The following ZNF710 variants were observed in gnomAD, a reference collection of about 807,000 sequenced individuals.
ZNF710 encodes the protein zinc finger protein 710.
In ZNF710, 13 loss-of-function variants were observed where a neutral mutation model predicts 50.6. That is an observed-to-expected ratio of 0.26 (90% CI 0.17 to 0.41). The LOEUF is 0.41. Ranked by LOEUF, ZNF710 falls within the 10% of genes least tolerant of loss-of-function variation. The pLI is 1.00. For synonymous variants in ZNF710, 383 were observed against 397.0 expected (o/e 0.96, Z 0.42); for missense variants, 721 against 936.6 (o/e 0.77, Z 3.01).
Position 90,040,766 on chromosome 15 carries a change from C to G in ZNF710, c.-28-26344C>G, listed in dbSNP as rs1899272528. The stretch of plus-strand genomic sequence containing the variant: ...TTTGCAAACTGCTTACTTCCTCCTT[C>G]CTGTTATTTACGTCCATGTTCTGAA... On this transcript the variant is annotated intron_variant, in intron 1 of 4. Transcript: ENST00000268154. The surrounding 1 kb of genome is among the most constrained non-coding windows in gnomAD (Gnocchi z 4.6). Among the ~76,000 whole-genome samples, 1 of 152,230 alleles carries G rather than the reference C, an allele frequency of 6.6e-6. No individual in the cohort carries two copies. Among genetic ancestry groups the G allele is most frequent in the Non-Finnish European group, 1.5e-5 (1 of 68,044 alleles).
chr15:90,065,137 T>C (rs1900125358), intron 1 of ZNF710, among the ~76,000 whole-genome samples: 1 of 152,186 alleles, frequency 6.6e-6, no homozygotes, highest in Admixed American at 6.5e-5. Context: ...CTAAGCTTAA[T>C]AGTTTAATCT....
At chr15:90,033,181 T>A (rs1460012004) in intron 1 of ZNF710, among the ~76,000 whole-genome samples, 1 of 152,188 alleles carries the variant, frequency 6.6e-6, no homozygotes, top group East Asian at 1.9e-4. Flanking sequence ...AATGGGCGAT[T>A]GGTGGCTTCA....
chr15:90,067,632 C>T lies in ZNF710; in HGVS notation c.495C>T (p.Ser165=). 1 of 1,612,318 alleles carries T rather than the reference C, an allele frequency of 6.2e-7. No homozygotes were observed. ...AVKMIDLSAF[S]RKPRTLRHLP... is the part of the protein sequence containing the mutation. ...AGATGATCGACCTCAGCGCCTTCAG[C>T]CGCAAGCCCCGGACGCTCCGGCATC... The change falls in exon 2 of 5, where the codon AGC becomes AGT. Residue 165 remains serine (S), a synonymous_variant. Transcript: ENST00000268154. This position sits in a 1 kb window ranked among gnomAD's most constrained non-coding sequence, Gnocchi z 8.1.
rs1899352704 is a variant in ZNF710 at position 90,043,170 on chromosome 15, C to A, written c.-28-23940C>A. Among the ~76,000 whole-genome samples, 3 of 152,350 alleles carry A rather than the reference C, an allele frequency of 2.0e-5. No homozygotes were observed. The South Asian group carries it at 6.2e-4, about 32-fold the overall frequency. On this transcript the variant is annotated intron_variant, in intron 1 of 4. Transcript: ENST00000268154. ...AGCCGGAGAACTGGGTGGACACGGCCCAGGCAGGGTGAGTTGCCACGGCTT... is the reference window on the plus strand; with the variant it reads ...AGCCGGAGAACTGGGTGGACACGGCACAGGCAGGGTGAGTTGCCACGGCTT...
rs114984568 is a variant in ZNF710, at chr15:90,041,139, T to C, written c.-28-25971T>C. Among the ~76,000 whole-genome samples the C allele has an allele frequency of 6.4e-3, 953 of 149,418 alleles. 11 individuals are homozygous for C. The highest frequency in any genetic ancestry group is 0.022 in the African/African-American group (911 of 40,736). On this transcript the variant is annotated intron_variant, in intron 1 of 4. Transcript: ENST00000268154. ...TCTATTGGTTCACTGATCAATTCTG[T>C]TTTTTTTTTCTAGACACCTAGGTAT...
intron 1 of ZNF710, among the ~76,000 whole-genome samples, chr15:90,038,190 CCTCT>C (rs755090269): frequency 5.9e-4 from 90 of 152,264 alleles, no homozygotes; most frequent in Non-Finnish European, 1.0e-3. Flanking sequence ...GTAGCAGGCC[CCTCT>C]CTCTATCACC....
chr15:90,052,468 G>C (rs927322941), intron 1 of ZNF710, among the ~76,000 whole-genome samples: 1 of 152,162 alleles, frequency 6.6e-6, no homozygotes, highest in African/African-American at 2.4e-5. Flanking sequence ...AGGACTCGGA[G>C]TGATGTGACC....
chr15:90,014,872 A>G, intron 1 of ZNF710, among the ~76,000 whole-genome samples: 1 of 151,970 alleles, frequency 6.6e-6, no homozygotes, highest in Non-Finnish European at 1.5e-5. Context: ...AGTCATTAAG[A>G]AAAAGACCAT....
chr15:89,999,287 G>A (rs972237670), upstream of ZNF710, among the ~76,000 whole-genome samples: 1 of 152,230 alleles, frequency 6.6e-6, no homozygotes, highest in Admixed American at 6.5e-5. Context: ...CGCCTGCAAA[G>A]CCAAAGGCCA....
chr15:90,060,396 A>G (rs1272577031), intron 1 of ZNF710, among the ~76,000 whole-genome samples: 1 of 152,128 alleles, frequency 6.6e-6, no homozygotes, highest in Non-Finnish European at 1.5e-5. Context: ...CTACAAAAAC[A>G]ATGTAAAATT....
Position 90,034,816 on chromosome 15 carries a change from G to A in ZNF710, c.-28-32294G>A, listed in dbSNP as rs1375334573. Among the ~76,000 whole-genome samples the A allele has an allele frequency of 1.3e-5, 2 of 152,184 alleles. No individual in the cohort carries two copies. The highest frequency in any genetic ancestry group is 2.9e-5 in the Non-Finnish European group (2 of 68,034). On this transcript the variant is annotated intron_variant, in intron 1 of 4. Coordinates refer to ENST00000268154, the MANE Select transcript of ZNF710 (RefSeq NM_198526.4). The surrounding 1 kb of genome is among the most constrained non-coding windows in gnomAD (Gnocchi z 4.0). ...TCCTTTGCACACCTGGCGCCTGTTGGGGACTTAGACCTCTTCCACATCGCC... is the reference window on the plus strand; with the variant it reads ...TCCTTTGCACACCTGGCGCCTGTTGAGGACTTAGACCTCTTCCACATCGCC...
intron 1 of ZNF710, among the ~76,000 whole-genome samples, chr15:90,022,185 G>T (rs533424165): frequency 1.4e-4 from 22 of 151,894 alleles, no homozygotes; most frequent in African/African-American, 4.6e-4. Flanking sequence ...AGACCAGCCT[G>T]ACCAATATAG....
At chr15:90,002,216 C>T (rs1019760058) in intron 1 of ZNF710, among the ~76,000 whole-genome samples, 6 of 151,512 alleles carry the variant, frequency 4.0e-5, no homozygotes, top group African/African-American at 1.2e-4. Flanking sequence ...TGTTGCGCGT[C>T]CCAGCCGGCC....
At chr15:90,046,225 C>T (rs961551191) in intron 1 of ZNF710, among the ~76,000 whole-genome samples, 12 of 152,182 alleles carry the variant, frequency 7.9e-5, no homozygotes, top group African/African-American at 2.7e-4. Flanking sequence ...GCCGGCAGGA[C>T]CCTCCCAAGG....
At chr15:90,013,600 T>C (rs566323528) in intron 1 of ZNF710, among the ~76,000 whole-genome samples, 33 of 152,292 alleles carry the variant, frequency 2.2e-4, no homozygotes, top group Admixed American at 3.3e-4. Flanking sequence ...TAAACCCACA[T>C]AAGAGCCTGC....
At chr15:90,035,636 G>A (rs571458805) in intron 1 of ZNF710, among the ~76,000 whole-genome samples, 2 of 152,354 alleles carry the variant, frequency 1.3e-5, no homozygotes, top group African/African-American at 4.8e-5. Flanking sequence ...GCTGGGGCGG[G>A]AAGCCCCGCA....
At chr15:90,055,961 A>G (rs755369711) in intron 1 of ZNF710, among the ~76,000 whole-genome samples, 2 of 151,752 alleles carry the variant, frequency 1.3e-5, no homozygotes, top group African/African-American at 2.4e-5. Context: ...CTAAAAAAAT[A>G]CAAAAATTAG....
At position 90,048,972 on chromosome 15, in the gene ZNF710, T is replaced by C. The variant is rs538046717; in HGVS notation, c.-28-18138T>C. On this transcript the variant is annotated intron_variant, in intron 1 of 4. Transcript: ENST00000268154. The stretch of plus-strand genomic sequence containing the variant: ...CATTCCCAGCATCTCTGTCCTTCCT[T>C]ACACTTGATCTCATTACTTTTTCCA... 2.2e-4 allele frequency among the ~76,000 whole-genome samples: 33 copies of C among 152,322 alleles called. No homozygotes were observed. The South Asian group carries it at 6.4e-3, about 30-fold the overall frequency.
At chr15:90,075,278 T>A (rs927601542) in intron 4 of ZNF710, 2 of 152,280 alleles carry the variant, frequency 1.3e-5, no homozygotes, top group African/African-American at 4.8e-5. Context: ...CCTGGCACTT[T>A]GGGAGGCCGA....
Sources: allele counts gnomAD v4.1 joint callset (sites outside exome capture counted in the v4.1 genomes callset), GRCh38; gene constraint gnomAD v4.1.1; non-coding constraint Gnocchi (gnomAD v3.1); transcripts MANE v1.5; gene names NCBI Gene and HGNC (gene_info 2026-07-23, HGNC 2026-07-21).